FBN1: variants seen among roughly 807,000 people sequenced by gnomAD.
FBN1 encodes the protein fibrillin 1, also known as fibrillin-1.
In FBN1, 29 loss-of-function variants were observed where a neutral mutation model predicts 365.1. That is an observed-to-expected ratio of 0.08 (90% CI 0.06 to 0.11). FBN1 has a LOEUF of 0.11. FBN1 is among the 10% of genes least tolerant of loss of function. The pLI is 1.00. For synonymous variants in FBN1, 1,210 were observed against 1,270.5 expected (o/e 0.95, Z 1.01); for missense variants, 2,476 against 3,703.2 (o/e 0.67, Z 8.60).
chr15:48,550,932 C>A (rs1323446005), intron 6 of FBN1, among the ~76,000 whole-genome samples: 1 of 151,986 alleles, frequency 6.6e-6, no homozygotes, highest in Non-Finnish European at 1.5e-5. Context: ...TAGAATATCC[C>A]CATGGGCCCA....
At chr15:48,564,866 C>T (rs1056955173) in intron 6 of FBN1, among the ~76,000 whole-genome samples, 3 of 152,188 alleles carry the variant, frequency 2.0e-5, no homozygotes, top group Admixed American at 6.5e-5. Flanking sequence ...TCTCACCTTT[C>T]CCCCAGGCTA....
intron 32 of FBN1, among the ~76,000 whole-genome samples, chr15:48,477,080 A>G (rs186178056): frequency 1.1e-3 from 174 of 152,222 alleles, no homozygotes; most frequent in Non-Finnish European, 2.2e-3. Context: ...CTATTAATCT[A>G]GTAATTCTGT....
At position 48,488,571 on chromosome 15, in the gene FBN1, A is replaced by G. The variant is rs551383099; in HGVS notation, c.3083-78T>C. On this transcript the variant is annotated intron_variant, in intron 25 of 65. Transcript: ENST00000316623. ...GAGGTCTCAATGCCCACCATTTTAA[A>G]TCATGAAGGTTGGAAGTTCTTGATT... is the stretch of plus-strand genomic sequence containing the variant. 1,027 of 1,544,464 alleles carry G rather than the reference A, an allele frequency of 6.6e-4. 1 individual carries two copies. The highest frequency in any genetic ancestry group is 8.8e-4 in the Non-Finnish European group (997 of 1,132,406).
chr15:48,443,732 C>T (rs2043133593), intron 49 of FBN1, among the ~76,000 whole-genome samples: 1 of 152,126 alleles, frequency 6.6e-6, no homozygotes, highest in African/African-American at 2.4e-5. Flanking sequence ...GAAATTCTAG[C>T]AATTAATGTC....
chr15:48,559,901 T>C (rs1443325676), intron 6 of FBN1, among the ~76,000 whole-genome samples: 1 of 152,208 alleles, frequency 6.6e-6, no homozygotes, highest in Non-Finnish European at 1.5e-5. Context: ...TTCAGTCATC[T>C]ATTATCTGCA....
At chr15:48,435,931 GCTAT>G (rs2043069076) in intron 53 of FBN1, among the ~76,000 whole-genome samples, 3 of 151,836 alleles carry the variant, frequency 2.0e-5, no homozygotes. Context: ...TGATATTTTA[GCTAT>G]CTAAGGCACA....
chr15:48,479,202 A>C (rs1309906911), intron 32 of FBN1, among the ~76,000 whole-genome samples: 1 of 152,202 alleles, frequency 6.6e-6, no homozygotes, highest in Non-Finnish European at 1.5e-5. Context: ...AAAGCAGCTA[A>C]AAGAGCCTTA....
Position 48,436,020 on chromosome 15 carries a change from T to C in FBN1, c.6496+941A>G, listed in dbSNP as rs573417415. On this transcript the variant is annotated intron_variant, in intron 53 of 65. Coordinates refer to ENST00000316623, the MANE Select transcript of FBN1 (RefSeq NM_000138.5). Reference sequence around the variant, plus strand: ...AGTCAAAAGTAAAGGCAAGAGGCTATGGTGGGGAGCTCCTAGGCGAAGAGG... The same window carrying C: ...AGTCAAAAGTAAAGGCAAGAGGCTACGGTGGGGAGCTCCTAGGCGAAGAGG... Among the ~76,000 whole-genome samples the C allele has an allele frequency of 7.9e-5, 12 of 152,218 alleles. 1 individual carries two copies. The highest frequency in any genetic ancestry group is 2.6e-4 in the African/African-American group (11 of 41,540).
At chr15:48,462,934 C>G in intron 42 of FBN1, 148 bp downstream of exon 42, 1 of 783,488 alleles carries the variant, frequency 1.3e-6, no homozygotes, top group South Asian at 1.6e-5. Context: ...ATGACCAGCA[C>G]CAACTGTGAA....
chr15:48,510,646 C>G (rs940770660), intron 13 of FBN1, among the ~76,000 whole-genome samples: 1 of 152,126 alleles, frequency 6.6e-6, no homozygotes, highest in African/African-American at 2.4e-5. Context: ...GTCCATCTTC[C>G]TTATACCAAT....
At chr15:48,485,271 C>T in intron 30 of FBN1, 103 bp downstream of exon 30, 1 of 1,444,006 alleles carries the variant, frequency 6.9e-7, no homozygotes, top group South Asian at 1.2e-5. Context: ...ATATGACAAA[C>T]AAGGGTTTGG....
At chr15:48,411,755 C>G (rs565764595) in intron 65 of FBN1, among the ~76,000 whole-genome samples, 2 of 152,302 alleles carry the variant, frequency 1.3e-5, no homozygotes, top group East Asian at 3.9e-4. Flanking sequence ...TTAACAAGAC[C>G]TAGTAGGTGA....
At chr15:48,553,617 A>G (rs1006308546) in intron 6 of FBN1, among the ~76,000 whole-genome samples, 2 of 152,178 alleles carry the variant, frequency 1.3e-5, no homozygotes, top group Non-Finnish European at 2.9e-5. Context: ...TAGTAAATGA[A>G]CTTATATAAT....
Position 48,464,085 on chromosome 15 carries a change from C to T in FBN1, c.4943-64G>A, listed in dbSNP as rs10519176. On this transcript the variant is annotated intron_variant, in intron 40 of 65. Transcript: ENST00000316623. ...CTTCACATTTTGGAATGGCCTGATA[C>T]TTAATGAATGTTGACATTAGAGGAG... 1.9e-3 allele frequency: 2,932 copies of T among 1,513,254 alleles called. 50 individuals carry two copies. In the African/African-American group the frequency reaches 0.036, roughly 18 times the overall value. 93.7% of individuals were successfully genotyped at this position (1,513,254 alleles called of 1,614,324 possible). A position where few individuals can be genotyped will look rare whatever the true frequency, so the allele number is the denominator to read the frequency against.
intron 6 of FBN1, among the ~76,000 whole-genome samples, chr15:48,574,456 A>C (rs1211847520): frequency 6.6e-6 from 1 of 152,170 alleles, no homozygotes; most frequent in Non-Finnish European, 1.5e-5. Flanking sequence ...TCCAGGTTGT[A>C]AATGGCCTGG....
intron 2 of FBN1, among the ~76,000 whole-genome samples, chr15:48,626,101 T>G (rs972940535): frequency 6.6e-6 from 1 of 151,582 alleles, no homozygotes; most frequent in Non-Finnish European, 1.5e-5. Context: ...TCAAAAAAAT[T>G]TTTAAATTAG....
chr15:48,587,515 C>G (rs935402121), intron 6 of FBN1, among the ~76,000 whole-genome samples: 3 of 152,188 alleles, frequency 2.0e-5, no homozygotes, highest in African/African-American at 7.2e-5. Context: ...TCTTCTCCCA[C>G]AGAAGGGCTC....
intron 16 of FBN1, 102 bp from the exon 17 acceptor site, chr15:48,504,041 G>T: frequency 1.5e-6 from 2 of 1,369,748 alleles, no homozygotes; most frequent in Non-Finnish European, 2.1e-6. Flanking sequence ...CATCCCTGGT[G>T]TAACTCACAG....
At chr15:48,531,323 A>C (rs186853375) in intron 8 of FBN1, among the ~76,000 whole-genome samples, 3 of 152,278 alleles carry the variant, frequency 2.0e-5, no homozygotes, top group African/African-American at 7.2e-5. Context: ...GAATTCTGCA[A>C]GAGGAAGATC....
Sources: gnomAD v4.1 joint callset for allele counts (sites outside exome capture counted in the v4.1 genomes callset) on GRCh38, gnomAD v4.1.1 for gene constraint, MANE v1.5 for transcripts, NCBI Gene and HGNC (gene_info 2026-07-23, HGNC 2026-07-21) for gene names.